The following SLC36A1 variants were observed in gnomAD, a reference collection of about 807,000 sequenced individuals.
The protein encoded by SLC36A1 is solute carrier family 36 member 1.
A neutral mutation model predicts 47.5 loss-of-function variants in SLC36A1; 30 were observed. The ratio of observed to expected loss-of-function variants is 0.63; its 90% CI spans 0.47 to 0.86. The LOEUF (loss-of-function observed/expected upper bound fraction) is 0.86, where lower values mean the gene tolerates loss of function less well. SLC36A1 is among the 40% of genes least tolerant of loss of function. The probability of loss-of-function intolerance (pLI) is 0.00; values close to 1 mark genes in which losing one functional copy is unlikely to be tolerated. For synonymous variants in SLC36A1, 255 were observed against 249.7 expected (o/e 1.02, Z -0.20); for missense variants, 517 against 606.0 (o/e 0.85, Z 1.54).
the SLC36A1 span, among the ~76,000 whole-genome samples, chr5:151,384,596 A>G: frequency 0.5 from 75,336 of 152,064 alleles, 20,689 homozygotes; most frequent in African/African-American, 0.75. Flanking sequence ...AGAAAACCAA[A>G]GAAGAGAATC....
chr5:151,424,820 G>A, the SLC36A1 span, among the ~76,000 whole-genome samples: 1 of 152,002 alleles, frequency 6.6e-6, no homozygotes, highest in African/African-American at 2.4e-5. Flanking sequence ...GGAAACTGAG[G>A]CTCAAAAGAG....
chr5:151,418,690 C>T, the SLC36A1 span, among the ~76,000 whole-genome samples: 3 of 152,136 alleles, frequency 2.0e-5, no homozygotes, highest in Non-Finnish European at 4.4e-5. Flanking sequence ...GTGGAAAAGA[C>T]TTGCTTTGTC....
At chr5:151,403,833 T>C in the SLC36A1 span, among the ~76,000 whole-genome samples, 1 of 152,348 alleles carries the variant, frequency 6.6e-6, no homozygotes, top group Non-Finnish European at 1.5e-5. Flanking sequence ...ACTTGCTTTA[T>C]GGTCAAGCAT....
At chr5:151,513,886 A>G in the SLC36A1 span, among the ~76,000 whole-genome samples, 4 of 152,222 alleles carry the variant, frequency 2.6e-5, no homozygotes, top group African/African-American at 9.6e-5. Context: ...GTTATAACCC[A>G]CATAACCAAA....
intron 3 of SLC36A1, 150 bp from the exon 4 acceptor site, chr5:151,464,364 C>T (rs534140394): frequency 2.2e-5 from 14 of 647,454 alleles, no homozygotes; most frequent in African/African-American, 2.0e-4. Flanking sequence ...TCCATGATCA[C>T]GTTTCTCTCT....
chr5:151,406,699 T>C, the SLC36A1 span: 1 of 152,442 alleles, frequency 6.6e-6, no homozygotes, highest in Non-Finnish European at 1.5e-5. Context: ...ACCTTCATCC[T>C]TTGGTGGGTG....
the SLC36A1 span, among the ~76,000 whole-genome samples, chr5:151,412,101 C>T: frequency 6.9e-6 from 1 of 144,912 alleles, no homozygotes; most frequent in African/African-American, 2.5e-5. Context: ...TCCTCCACAT[C>T]CTCTTTGTGG....
chr5:151,537,820 G>A, the SLC36A1 span: 24 of 1,609,722 alleles, frequency 1.5e-5, no homozygotes, highest in Non-Finnish European at 2.0e-5. Context: ...TTGAATTCAT[G>A]CGCCCCAGGG....
chr5:151,531,938 C>T, the SLC36A1 span: 1 of 1,614,208 alleles, frequency 6.2e-7, no homozygotes, highest in Non-Finnish European at 8.5e-7. This position sits in a 1 kb window ranked among gnomAD's most constrained non-coding sequence, Gnocchi z 5.7. Context: ...TCGGCTGAAT[C>T]CGGCAGAGAG....
chr5:151,422,452 A>G, the SLC36A1 span, among the ~76,000 whole-genome samples: 1 of 152,266 alleles, frequency 6.6e-6, no homozygotes, highest in African/African-American at 2.4e-5. Context: ...ACAGTGGCTC[A>G]TGCCTGCAAT....
intron 1 of SLC36A1, among the ~76,000 whole-genome samples, chr5:151,448,246 C>T (rs1372096641): frequency 1.3e-5 from 2 of 152,216 alleles, no homozygotes; most frequent in African/African-American, 2.4e-5. Context: ...TGCCTAAGGT[C>T]ATCCAGTGAG....
At chr5:151,510,289 T>C in the SLC36A1 span, 1 of 1,270,836 alleles carries the variant, frequency 7.9e-7, no homozygotes, top group Non-Finnish European at 1.1e-6. Context: ...ATTTATTTGG[T>C]TGCTCCCCTC....
At chr5:151,368,559 G>A in the SLC36A1 span, among the ~76,000 whole-genome samples, 2 of 152,118 alleles carry the variant, frequency 1.3e-5, no homozygotes, top group South Asian at 2.1e-4. Flanking sequence ...TATTGACTCC[G>A]AATGACCCCA....
upstream of SLC36A1, among the ~76,000 whole-genome samples, chr5:151,433,232 A>ATG (rs1759482617): frequency 1.2e-3 from 8 of 6,444 alleles, no homozygotes; most frequent in African/African-American, 3.9e-3. Flanking sequence ...ATATATATAT[A>ATG]TATATATATA....
chr5:151,369,699 C>G, the SLC36A1 span, among the ~76,000 whole-genome samples: 3 of 152,222 alleles, frequency 2.0e-5, no homozygotes, highest in African/African-American at 7.2e-5. Flanking sequence ...CCAGGTTGGT[C>G]TAGAACTCCT....
upstream of SLC36A1, among the ~76,000 whole-genome samples, chr5:151,435,445 A>G (rs2127436019): frequency 6.6e-6 from 1 of 152,288 alleles, no homozygotes; most frequent in East Asian, 1.9e-4. Context: ...GAAATAAAGA[A>G]CCCAAGAGAG....
chr5:151,426,138 A>C, the SLC36A1 span, among the ~76,000 whole-genome samples: 4 of 152,168 alleles, frequency 2.6e-5, no homozygotes, highest in Non-Finnish European at 5.9e-5. Context: ...ACTGCATGCT[A>C]TTCTGTTGGT....
chr5:151,428,822 G>A, the SLC36A1 span, among the ~76,000 whole-genome samples: 2 of 152,146 alleles, frequency 1.3e-5, no homozygotes, highest in African/African-American at 2.4e-5. Context: ...TAGTAGAGAC[G>A]GGGTTTCACC....
chr5:151,388,300 A>G, the SLC36A1 span, among the ~76,000 whole-genome samples: 1 of 152,154 alleles, frequency 6.6e-6, no homozygotes, highest in East Asian at 1.9e-4. Flanking sequence ...TCGGGAATTC[A>G]AGACCAGACG....
Sources: allele counts gnomAD v4.1 joint callset (sites outside exome capture counted in the v4.1 genomes callset), GRCh38; gene constraint gnomAD v4.1.1; non-coding constraint Gnocchi (gnomAD v3.1); transcripts MANE v1.5; gene names NCBI Gene and HGNC (gene_info 2026-07-23, HGNC 2026-07-21).